The following ZBED4 variants were observed in gnomAD, a reference collection of about 807,000 sequenced individuals.
The protein encoded by ZBED4 is zinc finger BED domain-containing protein 4.
ZBED4 carries 4 observed loss-of-function variants against 15.5 expected under a neutral mutation model. That is an observed-to-expected ratio of 0.26 (90% CI 0.13 to 0.59). The LOEUF (loss-of-function observed/expected upper bound fraction) is 0.59. Ranked by LOEUF, ZBED4 falls within the 20% of genes least tolerant of loss-of-function variation. The pLI, the probability that ZBED4 is intolerant of heterozygous loss-of-function variation, is 0.90. For synonymous variants in ZBED4, 692 were observed against 608.5 expected (o/e 1.14, Z -2.02); for missense variants, 1,323 against 1,461.8 (o/e 0.91, Z 1.55).
At position 49,886,820 on chromosome 22, in the gene ZBED4, C is replaced by T. The variant is rs575552916; in HGVS notation, c.3158C>T (p.Ser1053Phe). The part of the protein sequence containing the change: ...VAASHRCDAG[S>F]PSKDSAAEEN... ...GCCTCCCACAGGTGTGATGCTGGCT[C>T]CCCGTCGAAAGACTCTGCCGCAGAG... is the stretch of plus-strand genomic sequence containing the variant. The change falls in exon 2 of 2, where the codon TCC (serine) becomes TTC (phenylalanine). Residue 1053 changes from serine (S) to phenylalanine (F), a missense_variant. Physicochemically the swap from Ser to Phe is radical, Grantham distance 155. Transcript: ENST00000216268. The surrounding 1 kb of genome is among the most constrained non-coding windows in gnomAD (Gnocchi z 7.7). 113 of 1,613,622 alleles carry T rather than the reference C, an allele frequency of 7.0e-5. No homozygotes were observed. In the South Asian group the frequency reaches 1.2e-3, roughly 16 times the overall value.
chr22:49,883,679 A>G lies in ZBED4; in HGVS notation c.17A>G (p.Lys6Arg), dbSNP rs778033767. 60 of 1,585,116 alleles carry G rather than the reference A, an allele frequency of 3.8e-5. No homozygotes were observed. The highest frequency in any genetic ancestry group is 5.2e-5 in the Non-Finnish European group (60 of 1,160,838). The change falls in exon 2 of 2, where the codon AAA (lysine) becomes AGA (arginine). Residue 6 changes from lysine to arginine, a missense_variant. Physicochemically the swap from Lys to Arg is conservative, Grantham distance 26 (BLOSUM62 2). This residue lies in a region of ZBED4 where 380 missense variants were observed against 413.7 expected (regional missense o/e 0.92). Coordinates refer to ENST00000216268, the MANE Select transcript of ZBED4 (RefSeq NM_014838.3). Reference protein sequence around the residue: MENNLKTCPKEDGDFV... With the variant: MENNLRTCPKEDGDFV... ...TGGTCAGTCATGGAGAATAACTTGAAAACTTGTCCCAAAGAGGACGGTGAT... is the reference window on the plus strand; with the variant it reads ...TGGTCAGTCATGGAGAATAACTTGAGAACTTGTCCCAAAGAGGACGGTGAT...
chr22:49,882,136 C>T (rs1345980843), intron 1 of ZBED4, among the ~76,000 whole-genome samples: 1 of 152,206 alleles, frequency 6.6e-6, no homozygotes, highest in African/African-American at 2.4e-5. Context: ...GGTTCAGCTC[C>T]TCCCTGTGGG....
intron 1 of ZBED4, among the ~76,000 whole-genome samples, chr22:49,862,631 A>G (rs1038938061): frequency 6.8e-6 from 1 of 147,606 alleles, no homozygotes; most frequent in African/African-American, 2.5e-5. Flanking sequence ...TACAGCAGCT[A>G]CTTCCTTATT....
chr22:49,886,314 C>T lies in ZBED4; in HGVS notation c.2652C>T (p.Leu884=), dbSNP rs146864690. ...AGTACGCGCTGCCTCAGCATCACCTCATCCAGGACGTCCCGTCCAAGTGGA... is the reference window on the plus strand; with the variant it reads ...AGTACGCGCTGCCTCAGCATCACCTTATCCAGGACGTCCCGTCCAAGTGGA... ...QREYALPQHH[L]IQDVPSKWST... is the part of the protein sequence containing the mutation. The change falls in exon 2 of 2, where the codon CTC becomes CTT. Residue 884 remains leucine (L), a synonymous_variant. Transcript: ENST00000216268. This position sits in a 1 kb window ranked among gnomAD's most constrained non-coding sequence, Gnocchi z 7.7. The T allele has an allele frequency of 1.6e-4, 249 of 1,575,366 alleles. No individual in the cohort carries two copies. The African/African-American group carries it at 2.7e-3, about 17-fold the overall frequency.
At chr22:49,880,623 G>A (rs1212356073) in intron 1 of ZBED4, among the ~76,000 whole-genome samples, 1 of 152,216 alleles carries the variant, frequency 6.6e-6, no homozygotes, top group African/African-American at 2.4e-5. Context: ...AGGTCAACCT[G>A]GTTTCCTTTG....
chr22:49,880,458 CAGCCTGGA>C (rs901498205), intron 1 of ZBED4, among the ~76,000 whole-genome samples: 6 of 152,368 alleles, frequency 3.9e-5, no homozygotes, highest in South Asian at 2.1e-4. Flanking sequence ...CCCCGCCCCG[CAGCCTGGA>C]AGCCTGGAAG....
rs768284996 is a variant in ZBED4 at position 49,886,754 on chromosome 22, G to A, written c.3092G>A (p.Arg1031Lys). The A allele has an allele frequency of 6.2e-7, 1 of 1,612,670 alleles. No individual in the cohort carries two copies. Among genetic ancestry groups the A allele is most frequent in the South Asian group, 1.1e-5 (1 of 90,932 alleles). Residue 1031 changes from arginine to lysine, a missense_variant, in exon 2 of 2, where the codon AGG becomes AAG. Around this residue, in one of 6 missense-constraint regions of ZBED4, gnomAD observed 312 missense variants for 410.7 expected, o/e 0.76. Transcript: ENST00000216268. This position sits in a 1 kb window ranked among gnomAD's most constrained non-coding sequence, Gnocchi z 7.7. Reference sequence around the variant, plus strand: ...GAGCAGTACAAACAGGATTTAATCAGGGAACTCGAACTCATGAATTCTACC... The same window carrying A: ...GAGCAGTACAAACAGGATTTAATCAAGGAACTCGAACTCATGAATTCTACC... Reference protein sequence around the residue: ...EAEQYKQDLIRELELMNSTSE... With the variant: ...EAEQYKQDLIKELELMNSTSE...
rs2060425841 is a variant in ZBED4, at chr22:49,884,421, G to A, written c.759G>A (p.Gly253=). The stretch of plus-strand genomic sequence containing the variant: ...GCGGCAGAGAAGAAGCCCTGGTGGG[G>A]TCGTCTCCCCACCTCCCTGCTCTCC... ...EKCGREEALV[G]SSPHLPALHY... The change falls in exon 2 of 2, where the codon GGG becomes GGA. Residue 253 remains glycine, a synonymous_variant. Coordinates refer to ENST00000216268, the MANE Select transcript of ZBED4 (RefSeq NM_014838.3). The A allele has an allele frequency of 6.2e-7, 1 of 1,613,924 alleles. No homozygotes were observed.
At chr22:49,855,755 T>C (rs960219601) in intron 1 of ZBED4, among the ~76,000 whole-genome samples, 7 of 152,286 alleles carry the variant, frequency 4.6e-5, no homozygotes, top group Admixed American at 2.6e-4. Context: ...GGTGGTTGTC[T>C]TTTGAGAGGA....
chr22:49,858,706 C>T (rs575817496), intron 1 of ZBED4, among the ~76,000 whole-genome samples: 12 of 152,314 alleles, frequency 7.9e-5, no homozygotes, highest in Admixed American at 5.2e-4. Flanking sequence ...GTCGCGTCAT[C>T]GATGGCGTCT....
chr22:49,859,742 T>C (rs539854692), intron 1 of ZBED4, among the ~76,000 whole-genome samples: 9 of 152,312 alleles, frequency 5.9e-5, no homozygotes, highest in African/African-American at 1.9e-4. Context: ...ATTATGTAGT[T>C]TTGCGGGGTG....
Position 49,853,859 on chromosome 22 carries a change from G to C in ZBED4, c.-460G>C, listed in dbSNP as rs2060262336. On this transcript the variant is annotated 5_prime_UTR_variant, in exon 1 of 2. Transcript: ENST00000216268. The stretch of plus-strand genomic sequence containing the variant: ...TGGGAGGGGCGCAGCGTCCGGCGGC[G>C]TCGCGGGCGGCGGGCGGCGGGGCCG... The C allele has an allele frequency of 6.9e-6, 1 of 144,992 alleles. No individual in the cohort carries two copies. Among genetic ancestry groups the C allele is most frequent in the Non-Finnish European group, 1.5e-5 (1 of 65,300 alleles). The allele number at this position is 144,992 out of a possible 1,614,324, so 9.0% of individuals were successfully genotyped here.
At chr22:49,875,188 G>A (rs905317704) in intron 1 of ZBED4, among the ~76,000 whole-genome samples, 2 of 151,478 alleles carry the variant, frequency 1.3e-5, no homozygotes, top group Non-Finnish European at 2.9e-5. Flanking sequence ...ATAAAGAATT[G>A]GGAGGTGTTT....
upstream of ZBED4, among the ~76,000 whole-genome samples, chr22:49,853,529 G>A (rs1053750800): frequency 6.6e-6 from 1 of 152,200 alleles, no homozygotes; most frequent in Non-Finnish European, 1.5e-5. Flanking sequence ...GCCACGGGAC[G>A]AAACCAAGGC....
At position 49,886,788 on chromosome 22, in the gene ZBED4, C is replaced by A. The variant is rs373979275; in HGVS notation, c.3126C>A (p.Asp1042Glu). Residue 1042 changes from aspartate (D) to glutamate (E), a missense_variant, in exon 2 of 2, where the codon GAC becomes GAA. By Grantham distance (45) the Asp-to-Glu change is conservative. Transcript: ENST00000216268. This position sits in a 1 kb window ranked among gnomAD's most constrained non-coding sequence, Gnocchi z 7.7. Reference sequence around the variant, plus strand: ...AACTCATGAATTCTACCTCAGAGGACGTGGCTGCCTCCCACAGGTGTGATG... The same window carrying A: ...AACTCATGAATTCTACCTCAGAGGAAGTGGCTGCCTCCCACAGGTGTGATG... ...ELELMNSTSE[D>E]VAASHRCDAG... 9 of 1,612,428 alleles carry A rather than the reference C, an allele frequency of 5.6e-6. No homozygotes were observed. Among genetic ancestry groups the A allele is most frequent in the Non-Finnish European group, 7.6e-6 (9 of 1,179,238 alleles).
chr22:49,876,055 T>C (rs1170301354), intron 1 of ZBED4, among the ~76,000 whole-genome samples: 1 of 152,196 alleles, frequency 6.6e-6, no homozygotes, highest in Non-Finnish European at 1.5e-5. Context: ...CTGCGTGTAA[T>C]ATAAAAGTGT....
intron 1 of ZBED4, among the ~76,000 whole-genome samples, chr22:49,867,065 C>T (rs1226676310): frequency 6.6e-6 from 1 of 152,320 alleles, no homozygotes; most frequent in South Asian, 2.1e-4. Flanking sequence ...TGCTAACCAC[C>T]ACTTCAGCTG....
At chr22:49,871,761 T>TTTATTTA (rs35495710) in intron 1 of ZBED4, among the ~76,000 whole-genome samples, 23 of 40,798 alleles carry the variant, frequency 5.6e-4, no homozygotes, top group African/African-American at 1.1e-3. Flanking sequence ...TTATTTATTT[T>TTTATTTA]TTTTTTTTTT....
In ZBED4 at chr22:49,887,278, C is replaced by A; in HGVS notation, c.*100C>A. 1.5e-6 allele frequency: 2 copies of A among 1,303,302 alleles called. No homozygotes were observed. Among genetic ancestry groups the A allele is most frequent in the Non-Finnish European group, 2.1e-6 (2 of 946,984 alleles). 80.7% of individuals were successfully genotyped at this position (1,303,302 alleles called of 1,614,324 possible). A position where few individuals can be genotyped will look rare whatever the true frequency, so the allele number is the denominator to read the frequency against. ...CTCTGCCCACGGCTGTGTACGACATCAGACCAGGCACTCTCAGGGCCGCTC... is the reference window on the plus strand; with the variant it reads ...CTCTGCCCACGGCTGTGTACGACATAAGACCAGGCACTCTCAGGGCCGCTC... On this transcript the variant is annotated 3_prime_UTR_variant, in exon 2 of 2. Coordinates refer to ENST00000216268, the MANE Select transcript of ZBED4 (RefSeq NM_014838.3).
Sources: allele counts gnomAD v4.1 joint callset (sites outside exome capture counted in the v4.1 genomes callset), GRCh38; gene constraint gnomAD v4.1.1; regional missense constraint gnomAD v4.1.1; non-coding constraint Gnocchi (gnomAD v3.1); transcripts MANE v1.5; gene names NCBI Gene and HGNC (gene_info 2026-07-23, HGNC 2026-07-21).